Variants in GRIK2 observed in about 807,000 individuals in gnomAD.
GRIK2 encodes glutamate ionotropic receptor kainate type subunit 2.
A neutral mutation model predicts 100.3 loss-of-function variants in GRIK2; 32 were observed. The ratio of observed to expected loss-of-function variants is 0.32; its 90% CI spans 0.24 to 0.43. GRIK2 has a LOEUF of 0.43. Among genes scored for constraint, GRIK2 ranks in the 20% least tolerant of loss-of-function variants. GRIK2 has a pLI of 1.00. For missense variants in GRIK2, 843 were observed against 1,114.9 expected, an observed-to-expected ratio of 0.76 and a Z score of 3.47; for synonymous variants, 417 against 389.4, an observed-to-expected ratio of 1.07 and a Z score of -0.83.
intron 7 of GRIK2, among the ~76,000 whole-genome samples, chr6:101,789,152 A>G (rs1462571424): frequency 6.6e-6 from 1 of 152,006 alleles, no homozygotes; most frequent in East Asian, 1.9e-4. Context: ...CCCATTTTGT[A>G]GGTTGCCTGT....
intron 2 of GRIK2, among the ~76,000 whole-genome samples, chr6:101,423,221 C>T (rs1776503844): frequency 6.6e-6 from 1 of 152,166 alleles, no homozygotes; most frequent in Non-Finnish European, 1.5e-5. Context: ...TTCAGTGACT[C>T]TAATGAGCTC....
chr6:101,819,395 C>T (rs1781819242), intron 10 of GRIK2, among the ~76,000 whole-genome samples: 1 of 152,094 alleles, frequency 6.6e-6, no homozygotes, highest in African/African-American at 2.4e-5. Context: ...CGAGGGATGT[C>T]AGATCTGTAG....
At chr6:101,789,338 G>A (rs867165861) in intron 7 of GRIK2, among the ~76,000 whole-genome samples, 4 of 152,124 alleles carry the variant, frequency 2.6e-5, no homozygotes, top group African/African-American at 9.7e-5. Context: ...TATGGTTTCA[G>A]GTCTAACATT....
At chr6:101,636,984 A>G (rs2518314) in intron 4 of GRIK2, among the ~76,000 whole-genome samples, 1 of 151,970 alleles carries the variant, frequency 6.6e-6, no homozygotes, top group Non-Finnish European at 1.5e-5. Context: ...AATTTTGACC[A>G]TTCCTTTTTT....
intron 7 of GRIK2, among the ~76,000 whole-genome samples, chr6:101,761,507 T>C (rs1253484822): frequency 1.3e-5 from 2 of 152,168 alleles, no homozygotes; most frequent in Non-Finnish European, 2.9e-5. Flanking sequence ...ACACATGCTC[T>C]ATCTCTGTTG....
intron 2 of GRIK2, among the ~76,000 whole-genome samples, chr6:101,516,878 CTATGTTGGAAAAATTCA>C (rs150271915): frequency 0.079 from 12,006 of 152,070 alleles, 575 homozygotes; most frequent in Middle Eastern, 0.13. Context: ...CATCTTTTTA[CTATGTTGGAAAAATTCA>C]TATGCTGAAA....
chr6:101,840,124 T>G (rs1582352826), intron 10 of GRIK2, among the ~76,000 whole-genome samples: 2 of 152,286 alleles, frequency 1.3e-5, no homozygotes, highest in East Asian at 1.9e-4. Flanking sequence ...GTCCTAAAAC[T>G]TACTGTATTC....
intron 16 of GRIK2, among the ~76,000 whole-genome samples, chr6:102,064,594 A>AATC (rs1305935593): frequency 1.3e-5 from 2 of 151,030 alleles, no homozygotes; most frequent in African/African-American, 4.8e-5. Flanking sequence ...AATAAATTTC[A>AATC]ATCATTATAT....
chr6:101,712,765 T>A (rs1773804821), intron 7 of GRIK2, among the ~76,000 whole-genome samples: 1 of 151,786 alleles, frequency 6.6e-6, no homozygotes. Flanking sequence ...CTTGCTCAAA[T>A]CATTGTTCAA....
chr6:101,893,848 C>G (rs570557863), intron 12 of GRIK2, among the ~76,000 whole-genome samples: 1 of 151,748 alleles, frequency 6.6e-6, no homozygotes, highest in Non-Finnish European at 1.5e-5. Flanking sequence ...ACTAATAACT[C>G]ACAATCAGTG....
rs142788417 is a variant in GRIK2, at chr6:101,906,993, A to G, written c.1748+17130A>G. Among the ~76,000 whole-genome samples the G allele has an allele frequency of 8.8e-3, 1,330 of 151,884 alleles. 24 individuals carry two copies. Among genetic ancestry groups the G allele is most frequent in the African/African-American group, 0.03 (1,252 of 41,506 alleles). On this transcript the variant is annotated intron_variant, in intron 12 of 16. Coordinates refer to ENST00000369134, the MANE Select transcript of GRIK2 (RefSeq NM_021956.5). ...ATAACATGGTAAAATGACTACAATC[A>G]TAAAGATTTTGCTAACAGTTTCTCA...
At chr6:102,030,269 C>T (rs960223994) in intron 14 of GRIK2, among the ~76,000 whole-genome samples, 2 of 151,100 alleles carry the variant, frequency 1.3e-5, no homozygotes, top group African/African-American at 2.4e-5. Context: ...CATTTTAAAC[C>T]TCTCCTTTCT....
At chr6:101,405,676 G>T (rs1316751474) in intron 2 of GRIK2, among the ~76,000 whole-genome samples, 1 of 152,008 alleles carries the variant, frequency 6.6e-6, no homozygotes, top group Non-Finnish European at 1.5e-5. Flanking sequence ...CTTCAATGTA[G>T]TAAGTCCCTT....
intron 2 of GRIK2, among the ~76,000 whole-genome samples, chr6:101,435,331 C>CTAA (rs1411513318): frequency 3.3e-5 from 5 of 151,984 alleles, no homozygotes; most frequent in Non-Finnish European, 1.5e-5. Context: ...CTGCTTAAAC[C>CTAA]ATGCCAAGAT....
At position 101,785,328 on chromosome 6, in the gene GRIK2, T is replaced by G. The variant is rs1395056961; in HGVS notation, c.952-14320T>G. ...TTTATGTCCCATATGGCTTTTTGTG[T>G]CCCATATGTCTATTTTTTGTTAATT... On this transcript the variant is annotated intron_variant, in intron 7 of 16. Transcript: ENST00000369134. 7.4e-4 allele frequency among the ~76,000 whole-genome samples: 113 copies of G among 152,168 alleles called. 2 individuals are homozygous for G. Among genetic ancestry groups the G allele is most frequent in the Admixed American group, 7.3e-3 (111 of 15,270 alleles).
At chr6:101,839,780 T>A (rs1032378406) in intron 10 of GRIK2, among the ~76,000 whole-genome samples, 2 of 152,174 alleles carry the variant, frequency 1.3e-5, no homozygotes, top group Non-Finnish European at 2.9e-5. Flanking sequence ...CAAATTGGAC[T>A]TTATGAAGTC....
At chr6:101,846,807 A>G (rs1582369969) in intron 10 of GRIK2, among the ~76,000 whole-genome samples, 1 of 152,136 alleles carries the variant, frequency 6.6e-6, no homozygotes. Flanking sequence ...AATTATTTCT[A>G]TGATTCTCTT....
intron 14 of GRIK2, among the ~76,000 whole-genome samples, chr6:101,982,268 G>A (rs1281353637): frequency 6.6e-6 from 1 of 151,826 alleles, no homozygotes; most frequent in Non-Finnish European, 1.5e-5. Context: ...TTTCATGTCT[G>A]TCTCCCATGT....
intron 14 of GRIK2, among the ~76,000 whole-genome samples, chr6:101,958,444 C>T (rs1792083047): frequency 2.6e-5 from 4 of 151,910 alleles, no homozygotes; most frequent in African/African-American, 9.7e-5. Flanking sequence ...TTAGGATTTT[C>T]CAGTTGTAAG....
Sources: gnomAD v4.1 joint callset for allele counts (sites outside exome capture counted in the v4.1 genomes callset) on GRCh38, gnomAD v4.1.1 for gene constraint, MANE v1.5 for transcripts, NCBI Gene and HGNC (gene_info 2026-07-23, HGNC 2026-07-21) for gene names.